The following ZNF263 variants were observed in gnomAD, a reference collection of about 807,000 sequenced individuals.
ZNF263 encodes the protein zinc finger protein 263.
Under a neutral mutation model 63.1 loss-of-function variants are expected in ZNF263, and 49 were observed. That is an observed-to-expected ratio of 0.78 (90% CI 0.62 to 0.99). The LOEUF is 0.99. Among genes scored for constraint, ZNF263 ranks in the 50% least tolerant of loss-of-function variants. The pLI is 0.00. For synonymous variants in ZNF263, 352 were observed against 324.2 expected, an observed-to-expected ratio of 1.09 and a Z score of -0.92; for missense variants, 872 against 854.8, an observed-to-expected ratio of 1.02 and a Z score of -0.25.
At position 3,289,395 on chromosome 16, in the gene ZNF263, G is replaced by A; in HGVS notation, c.889G>A (p.Glu297Lys). ...TTTGGTTTCTCTCTCTCTACCAGGA[G>A]AAGAGAAATTTGAGAACCTGGAAGG... is the stretch of plus-strand genomic sequence containing the variant. ...GLSPRGPAPGEEKFENLEGVP... is the reference protein window; with the variant it reads ...GLSPRGPAPGKEKFENLEGVP... The change falls in exon 6 of 6, where the codon GAA becomes AAA. Residue 297 changes from glutamate to lysine, a missense_variant and splice_region_variant. Coordinates refer to ENST00000219069, the MANE Select transcript of ZNF263 (RefSeq NM_005741.5). 1 of 1,510,518 alleles carries A rather than the reference G, an allele frequency of 6.6e-7. No homozygotes were observed. Among genetic ancestry groups the A allele is most frequent in the Non-Finnish European group, 8.8e-7 (1 of 1,130,470 alleles). The allele number at this position is 1,510,518 out of a possible 1,614,324, so 93.6% of individuals were successfully genotyped here.
chr16:3,299,936 T>C (rs367874870), intron 2 of ZNF263: 20 of 1,612,764 alleles, frequency 1.2e-5, no homozygotes, highest in African/African-American at 4.0e-5. Context: ...CCAATAATGA[T>C]TGACTTTAAT....
At position 3,286,106 on chromosome 16, in the gene ZNF263, CA is replaced by C; in HGVS notation, c.727del (p.Arg243GlyfsTer46). On this transcript the variant is annotated frameshift_variant, in exon 4 of 6. Transcript: ENST00000219069. LOFTEE classifies it high-confidence loss of function. The stretch of plus-strand genomic sequence containing the variant: ...AGGATCCTAGTAAGAGGGCCCTCTC[CA>C]GGGACACGGTGCAGGAGAGTTATGA... ...HQDPSKRALS[R>X]DTVQESYENV... 3.1e-6 allele frequency: 5 copies of C among 1,611,364 alleles called. No individual in the cohort carries two copies. The highest frequency in any genetic ancestry group is 4.2e-6 in the Non-Finnish European group (5 of 1,179,146).
At chr16:3,285,902 G>C (rs1959334863) in intron 3 of ZNF263, 121 bp from the exon 4 acceptor site, 2 of 1,570,682 alleles carry the variant, frequency 1.3e-6, no homozygotes, top group Non-Finnish European at 8.7e-7. Context: ...TTGGAGGCCT[G>C]ATACCCTTCT....
chr16:3,292,446 G>C (rs79561018), downstream of ZNF263, among the ~76,000 whole-genome samples: 4,236 of 152,226 alleles, frequency 0.028, 237 homozygotes, highest in African/African-American at 0.097. Context: ...GGAAGTGGAG[G>C]GTTAGGATTA....
At chr16:3,294,215 G>A (rs1053597240), downstream of ZNF263, among the ~76,000 whole-genome samples, 4 of 152,172 alleles carry the variant, frequency 2.6e-5, no homozygotes, top group Non-Finnish European at 4.4e-5. Flanking sequence ...GTGAGCCACC[G>A]CGCCCCGCCT....
Position 3,290,183 on chromosome 16 carries a change from C to A in ZNF263, c.1677C>A (p.Thr559=). Reference sequence around the variant, plus strand: ...GTGGGGAAGCTGTGAGTGACAGCACCCCCTTTCTTACAAACCATGGAGCCC... The same window carrying A: ...GTGGGGAAGCTGTGAGTGACAGCACACCCTTTCTTACAAACCATGGAGCCC... The part of the protein sequence containing the change: ...SECGEAVSDS[T]PFLTNHGAHK... Residue 559 remains threonine, a synonymous_variant, in exon 6 of 6, where the codon ACC becomes ACA. Transcript: ENST00000219069. 6.2e-7 allele frequency: 1 copy of A among 1,614,070 alleles called. No homozygotes were observed. Among genetic ancestry groups the A allele is most frequent in the Non-Finnish European group, 8.5e-7 (1 of 1,180,018 alleles).
intron 2 of ZNF263, chr16:3,299,489 T>C: frequency 1.9e-6 from 3 of 1,544,936 alleles, no homozygotes. Flanking sequence ...GCACTTTTTA[T>C]ATTGTAGATT....
intron 5 of ZNF263, among the ~76,000 whole-genome samples, chr16:3,288,839 G>T (rs1001846991): frequency 4.0e-4 from 61 of 152,212 alleles, no homozygotes; most frequent in African/African-American, 1.4e-3. Flanking sequence ...TAGAGTCGGG[G>T]TTTCTCCATA....
intron 2 of ZNF263, chr16:3,299,603 A>C (rs751923883): frequency 6.4e-7 from 1 of 1,558,892 alleles, no homozygotes; most frequent in Non-Finnish European, 8.6e-7. Flanking sequence ...AGCCGTTTGC[A>C]GCTCAAGATC....
intron 1 of ZNF263, among the ~76,000 whole-genome samples, 174 bp downstream of exon 1, chr16:3,284,379 G>A (rs1485444094): frequency 6.6e-6 from 1 of 152,230 alleles, no homozygotes; most frequent in African/African-American, 2.4e-5. Context: ...ATGAACGAAA[G>A]CAGTGAAGAG....
At chr16:3,288,985 C>G (rs994064046) in intron 5 of ZNF263, among the ~76,000 whole-genome samples, 2 of 152,118 alleles carry the variant, frequency 1.3e-5, no homozygotes, top group Non-Finnish European at 2.9e-5. Context: ...CGGCCCAGCA[C>G]AGCTGCTAGA....
At chr16:3,300,192 A>C in intron 2 of ZNF263, 1 of 1,614,218 alleles carries the variant, frequency 6.2e-7, no homozygotes, top group South Asian at 1.1e-5. Flanking sequence ...CTTGTTCCCC[A>C]CATCCTTTTC....
In ZNF263 at chr16:3,300,058, G is replaced by A. The variant is rs1248949910; in HGVS notation, c.*47-855G>A. 1.9e-6 allele frequency: 3 copies of A among 1,614,030 alleles called. No homozygotes were observed. The African/African-American group carries it at 4.0e-5, about 22-fold the overall frequency. On this transcript the variant is annotated intron_variant, in intron 2 of 2. Coordinates refer to the ZNF263 transcript ENST00000574674. ...ACTTGCCTGAGAATTTTCTGGCATT[G>A]ACTTCCAAAAGAGGTCTGTTTCATC...
chr16:3,298,108 A>C (rs1204525408), intron 1 of ZNF263, among the ~76,000 whole-genome samples: 1 of 152,232 alleles, frequency 6.6e-6, no homozygotes. Flanking sequence ...GAGTATTAAA[A>C]AACCATCAAA....
intron 1 of ZNF263, among the ~76,000 whole-genome samples, chr16:3,297,671 A>C (rs951355006): frequency 6.6e-6 from 1 of 151,456 alleles, no homozygotes; most frequent in Non-Finnish European, 1.5e-5. Flanking sequence ...TCACCATGTT[A>C]GCCAAGATGG....
In ZNF263 at chr16:3,299,483, T is replaced by C. The variant is rs1248887902; in HGVS notation, c.*46+327T>C. 20 of 1,550,346 alleles carry C rather than the reference T, an allele frequency of 1.3e-5. No homozygotes were observed. The highest frequency in any genetic ancestry group is 2.2e-5 in the Admixed American group (1 of 46,194). On this transcript the variant is annotated intron_variant, in intron 2 of 2. Transcript: ENST00000574674. ...CTTTTTGCCCAGTTAAAAATTGCAC[T>C]TTTTATATTGTAGATTTTAATTTTG...
chr16:3,300,166 G>T, intron 2 of ZNF263: 1 of 1,614,212 alleles, frequency 6.2e-7, no homozygotes, highest in Non-Finnish European at 8.5e-7. Context: ...AACATTTTCA[G>T]AAACTGAACT....
chr16:3,298,177 T>A (rs961727514), intron 1 of ZNF263, among the ~76,000 whole-genome samples: 8 of 152,244 alleles, frequency 5.3e-5, no homozygotes, highest in African/African-American at 1.9e-4. Flanking sequence ...TGCCGTATGA[T>A]GGTTAAAAGC....
intron 1 of ZNF263, among the ~76,000 whole-genome samples, chr16:3,297,044 C>A (rs1342738939): frequency 6.6e-6 from 1 of 152,082 alleles, no homozygotes; most frequent in East Asian, 1.9e-4. Context: ...GTGGCTCACA[C>A]CCGTAATCGC....
Sources: allele counts gnomAD v4.1 joint callset (sites outside exome capture counted in the v4.1 genomes callset), GRCh38; gene constraint gnomAD v4.1.1; transcripts MANE v1.5; gene names NCBI Gene and HGNC (gene_info 2026-07-23, HGNC 2026-07-21).